TRPM6: variants seen among roughly 807,000 people sequenced by gnomAD.
TRPM6 encodes channel kinase 2.
A neutral mutation model predicts 247.6 loss-of-function variants in TRPM6; 111 were observed. The observed-to-expected ratio is 0.45, with a 90% CI of 0.38 to 0.52. The LOEUF (loss-of-function observed/expected upper bound fraction) is 0.52, where lower values mean the gene tolerates loss of function less well. Ranked by LOEUF, TRPM6 falls within the 20% of genes least tolerant of loss-of-function variation. TRPM6 has a pLI of 0.00. For synonymous variants in TRPM6, 892 were observed against 853.8 expected (o/e 1.04, Z -0.78); for missense variants, 2,126 against 2,421.5 (o/e 0.88, Z 2.56).
intron 7 of TRPM6, among the ~76,000 whole-genome samples, chr9:74,826,579 C>T (rs1829336286): frequency 6.6e-6 from 1 of 152,092 alleles, no homozygotes; most frequent in Admixed American, 6.6e-5. Context: ...GTAAAGGATT[C>T]ACACTTCCCT....
intron 33 of TRPM6, among the ~76,000 whole-genome samples, chr9:74,742,127 A>G (rs875034): frequency 0.53 from 80,061 of 152,014 alleles, 23,636 homozygotes; most frequent in African/African-American, 0.8. Context: ...GCAGTCTGAG[A>G]TAAGAGCAAT....
intron 5 of TRPM6, 68 bp from the exon 6 acceptor site, chr9:74,834,190 AACAG>A (rs1829640643): frequency 6.3e-7 from 1 of 1,596,220 alleles, no homozygotes; most frequent in South Asian, 1.1e-5. Context: ...GACTGCCAGA[AACAG>A]ACAAATAAAT....
intron 11 of TRPM6, 88 bp downstream of exon 11, chr9:74,816,581 C>A (rs1297380107): frequency 1.8e-5 from 19 of 1,060,720 alleles, no homozygotes; most frequent in Non-Finnish European, 2.5e-5. Context: ...CCAAACCAAT[C>A]AATATCTCCT....
At chr9:74,824,427 C>A (rs868716487) in intron 7 of TRPM6, among the ~76,000 whole-genome samples, 2 of 142,680 alleles carry the variant, frequency 1.4e-5, no homozygotes, top group African/African-American at 5.1e-5. Flanking sequence ...GCTGGGACTA[C>A]AGGGGTGAGC....
chr9:74,747,952 G>C (rs1370047429), intron 30 of TRPM6, 38 bp from the exon 31 acceptor site: 17 of 1,597,936 alleles, frequency 1.1e-5, no homozygotes, highest in African/African-American at 2.7e-5. Flanking sequence ...AGATAATGCT[G>C]CCTTAAATCT....
rs1412526384 is a variant in TRPM6, at chr9:74,739,735, A to G, written c.5475T>C (p.His1825=). Residue 1825 remains histidine (H), a synonymous_variant, in exon 34 of 39, where the codon CAT becomes CAC. Coordinates refer to ENST00000360774, the MANE Select transcript of TRPM6 (RefSeq NM_017662.5). ...HKIFQESTVL[H]LCLREIQQQR... ...GTTTCAGACTTACCCTGAGGCAAAG[A>G]TGAAGCACAGTGCTCTCCTGGAAGA... 6.2e-7 allele frequency: 1 copy of G among 1,612,756 alleles called. No homozygotes were observed. The highest frequency in any genetic ancestry group is 8.5e-7 in the Non-Finnish European group (1 of 1,180,002).
At chr9:74,728,051 C>T (rs1056805384) in intron 38 of TRPM6, among the ~76,000 whole-genome samples, 188 bp downstream of exon 38, 2 of 152,112 alleles carry the variant, frequency 1.3e-5, no homozygotes, top group African/African-American at 4.8e-5. Flanking sequence ...TTGGCAGAAC[C>T]TAAAGTAAAT....
chr9:74,839,070 A>G (rs1394689455), intron 5 of TRPM6, among the ~76,000 whole-genome samples: 1 of 148,466 alleles, frequency 6.7e-6, no homozygotes, highest in African/African-American at 2.5e-5. Context: ...AGACTGCACC[A>G]TTGCACTCCA....
intron 19 of TRPM6, among the ~76,000 whole-genome samples, chr9:74,790,077 T>C (rs1324060001): frequency 1.3e-5 from 2 of 151,410 alleles, no homozygotes; most frequent in African/African-American, 4.8e-5. Context: ...CCTTGATTCC[T>C]ATTTCTCATA....
Position 74,785,811 on chromosome 9 carries a change from C to T in TRPM6, c.2919+63G>A, listed in dbSNP as rs1004164877. ...GTGCTGGGATTACAGGTGTGAGCCA[C>T]CACACCTGGCTAAAAATAATTTTAA... On this transcript the variant is annotated intron_variant, in intron 21 of 38. Coordinates refer to ENST00000360774, the MANE Select transcript of TRPM6 (RefSeq NM_017662.5). The T allele has an allele frequency of 1.4e-5, 22 of 1,586,706 alleles. No homozygotes were observed. The Middle Eastern group carries it at 7.3e-4, about 52-fold the overall frequency.
chr9:74,740,049 C>T, intron 33 of TRPM6, 40 bp from the exon 34 acceptor site: 1 of 1,604,922 alleles, frequency 6.2e-7, no homozygotes, highest in Non-Finnish European at 8.5e-7. Flanking sequence ...AATAAGATTG[C>T]CATGTCTGTG....
At chr9:74,761,236 T>G (rs1188019296) in intron 27 of TRPM6, among the ~76,000 whole-genome samples, 1 of 152,216 alleles carries the variant, frequency 6.6e-6, no homozygotes, top group Admixed American at 6.5e-5. Context: ...ACTTACCATA[T>G]GACTCTGACA....
chr9:74,732,358 C>G (rs1825547774), intron 37 of TRPM6, among the ~76,000 whole-genome samples: 1 of 152,192 alleles, frequency 6.6e-6, no homozygotes, highest in African/African-American at 2.4e-5. Context: ...CTGTGCTTCT[C>G]CTATGACACT....
At chr9:74,772,957 A>ACAAC (rs1827100854) in intron 24 of TRPM6, among the ~76,000 whole-genome samples, 1 of 151,868 alleles carries the variant, frequency 6.6e-6, no homozygotes, top group Admixed American at 6.6e-5. Context: ...TCAGCTCCTT[A>ACAAC]AAACAAACAA....
In TRPM6 at chr9:74,775,891, A is replaced by T; in HGVS notation, c.3395T>A (p.Val1132Asp). Residue 1132 changes from valine to aspartate, a missense_variant, in exon 24 of 39, where the codon GTT becomes GAT. By Grantham distance (152) the Val-to-Asp change is radical. Around this residue, in one of 3 missense-constraint regions of TRPM6, gnomAD observed 717 missense variants for 715.9 expected, o/e 1.00. Transcript: ENST00000360774. ...CACATAGAACAACTTACTTAATCCAACGTCACCCTCTTCTTGGTCGTGAGG... is the reference window on the plus strand; with the variant it reads ...CACATAGAACAACTTACTTAATCCATCGTCACCCTCTTCTTGGTCGTGAGG... The part of the protein sequence containing the change: ...RAPHDQEEGD[V>D]GLKLYLSKED... 2.5e-6 allele frequency: 4 copies of T among 1,613,890 alleles called. No individual in the cohort carries two copies. The highest frequency in any genetic ancestry group is 3.4e-6 in the Non-Finnish European group (4 of 1,179,934).
chr9:74,767,523 T>C (rs1268383418), intron 25 of TRPM6, among the ~76,000 whole-genome samples: 1 of 152,162 alleles, frequency 6.6e-6, no homozygotes, highest in East Asian at 1.9e-4. Flanking sequence ...CTTCAAACTA[T>C]TGCTCAGTTA....
intron 33 of TRPM6, among the ~76,000 whole-genome samples, chr9:74,741,186 A>G (rs773205743): frequency 3.2e-4 from 49 of 152,280 alleles, no homozygotes; most frequent in South Asian, 6.2e-4. Flanking sequence ...AGGCTGTTGA[A>G]GAGGGAAAAA....
intron 15 of TRPM6, among the ~76,000 whole-genome samples, chr9:74,803,415 C>T (rs1048342003): frequency 2.6e-5 from 4 of 151,964 alleles, no homozygotes; most frequent in African/African-American, 4.8e-5. Context: ...AAAGTCAATG[C>T]GGCAGAGAAG....
intron 1 of TRPM6, chr9:74,887,313 G>A: frequency 7.3e-7 from 1 of 1,370,286 alleles, no homozygotes. Flanking sequence ...CGGAGGGACG[G>A]CCGTCTGGGC....
Sources: gnomAD v4.1 joint callset for allele counts (sites outside exome capture counted in the v4.1 genomes callset) on GRCh38, gnomAD v4.1.1 for gene constraint, gnomAD v4.1.1 regional missense constraint, MANE v1.5 for transcripts, NCBI Gene and HGNC (gene_info 2026-07-23, HGNC 2026-07-21) for gene names.